PHF24: variants seen among roughly 807,000 people sequenced by gnomAD.
PHF24 encodes the protein Galpha inhibitory interacting protein.
PHF24 carries 25 observed loss-of-function variants against 42.6 expected under a neutral mutation model. That is an observed-to-expected ratio of 0.59 (90% confidence interval 0.43 to 0.82). The LOEUF (loss-of-function observed/expected upper bound fraction) is 0.82, where lower values mean the gene tolerates loss of function less well. PHF24 is among the 40% of genes least tolerant of loss of function. PHF24 has a pLI of 0.00. For synonymous variants in PHF24, 185 were observed against 204.8 expected, an observed-to-expected ratio of 0.90 and a Z score of 0.83; for missense variants, 470 against 538.1, an observed-to-expected ratio of 0.87 and a Z score of 1.25.
At chr9:34,803,817 C>T in the PHF24 span, among the ~76,000 whole-genome samples, 1 of 152,170 alleles carries the variant, frequency 6.6e-6, no homozygotes, top group African/African-American at 2.4e-5. Context: ...AGAAAGAACA[C>T]TAAATATAGG....
At chr9:34,909,055 G>T in the PHF24 span, among the ~76,000 whole-genome samples, 1 of 151,042 alleles carries the variant, frequency 6.6e-6, no homozygotes, top group Non-Finnish European at 1.5e-5. Flanking sequence ...TCACCATGTT[G>T]GTCAGGCTGG....
At position 34,963,671 on chromosome 9, in the gene PHF24, C is replaced by T. The variant is rs545495689; in HGVS notation, c.-5+5270C>T. The stretch of plus-strand genomic sequence containing the variant: ...GTTGACTTTGGTAATACTGGCTTCT[C>T]TTTTCTTACCATTGTGATTGTAGAA... On this transcript the variant is annotated intron_variant, in intron 1 of 7. Coordinates refer to ENST00000242315, the Ensembl canonical transcript of PHF24. Among the ~76,000 whole-genome samples the T allele has an allele frequency of 1.1e-4, 16 of 152,336 alleles. No individual in the cohort carries two copies. In the South Asian group the frequency reaches 3.3e-3, roughly 32 times the overall value.
chr9:34,789,996 G>A, the PHF24 span, among the ~76,000 whole-genome samples: 689 of 152,130 alleles, frequency 4.5e-3, 5 homozygotes, highest in African/African-American at 0.016. Flanking sequence ...ACAGGCATGC[G>A]CCACCATGCC....
At chr9:34,729,931 T>C in the PHF24 span, among the ~76,000 whole-genome samples, 1 of 152,180 alleles carries the variant, frequency 6.6e-6, no homozygotes, top group Non-Finnish European at 1.5e-5. Context: ...TTTGATGTTT[T>C]AGGCAATGGG....
chr9:34,946,398 A>C, the PHF24 span, among the ~76,000 whole-genome samples: 1 of 152,206 alleles, frequency 6.6e-6, no homozygotes, highest in Non-Finnish European at 1.5e-5. Flanking sequence ...AACTTCTGGC[A>C]TGTAAGACAG....
the PHF24 span, among the ~76,000 whole-genome samples, chr9:34,869,574 C>T: frequency 1.3e-5 from 2 of 152,196 alleles, no homozygotes; most frequent in East Asian, 3.9e-4. Flanking sequence ...TGCAGAACAG[C>T]TCCCCCTGCC....
At chr9:34,867,678 G>A in the PHF24 span, among the ~76,000 whole-genome samples, 7 of 152,192 alleles carry the variant, frequency 4.6e-5, no homozygotes, top group South Asian at 2.1e-4. Flanking sequence ...GATGTGAACA[G>A]TGAGCTCAGG....
At chr9:34,886,798 C>CTATG in the PHF24 span, among the ~76,000 whole-genome samples, 4 of 137,446 alleles carry the variant, frequency 2.9e-5, no homozygotes, top group Non-Finnish European at 6.1e-5. Context: ...TCTATCTACT[C>CTATG]TATCTATGTA....
chr9:34,796,137 A>G, the PHF24 span, among the ~76,000 whole-genome samples: 2 of 152,180 alleles, frequency 1.3e-5, no homozygotes, highest in Admixed American at 6.5e-5. Flanking sequence ...TCCATCAACT[A>G]GTGTTGATCA....
the PHF24 span, among the ~76,000 whole-genome samples, chr9:34,741,322 T>G: frequency 6.6e-6 from 1 of 152,180 alleles, no homozygotes; most frequent in Non-Finnish European, 1.5e-5. Flanking sequence ...TTCTAACAGA[T>G]TGTTACAAGG....
the PHF24 span, among the ~76,000 whole-genome samples, chr9:34,910,721 A>G: frequency 7.9e-5 from 12 of 152,312 alleles, no homozygotes; most frequent in East Asian, 2.3e-3. Flanking sequence ...AGATTTAAAG[A>G]CTAAGGGGTT....
At chr9:34,948,184 A>G in the PHF24 span, among the ~76,000 whole-genome samples, 1 of 152,124 alleles carries the variant, frequency 6.6e-6, no homozygotes, top group East Asian at 1.9e-4. Flanking sequence ...ACATTTTTGT[A>G]CAGCTGTACA....
chr9:34,915,332 T>C, the PHF24 span, among the ~76,000 whole-genome samples: 2 of 152,132 alleles, frequency 1.3e-5, no homozygotes, highest in South Asian at 2.1e-4. Context: ...CAGCATGTCT[T>C]TCCAAGTCTT....
At chr9:34,898,947 G>T in the PHF24 span, among the ~76,000 whole-genome samples, 1 of 152,180 alleles carries the variant, frequency 6.6e-6, no homozygotes, top group Non-Finnish European at 1.5e-5. Flanking sequence ...CAGAGCTGAG[G>T]AATTAGAGCC....
At chr9:34,974,846 T>C (rs1029520242) in intron 3 of PHF24, among the ~76,000 whole-genome samples, 1 of 152,150 alleles carries the variant, frequency 6.6e-6, no homozygotes, top group African/African-American at 2.4e-5. Flanking sequence ...CCACTCCTTA[T>C]CTCTGTGAAT....
chr9:34,787,657 C>G, the PHF24 span, among the ~76,000 whole-genome samples: 1 of 152,192 alleles, frequency 6.6e-6, no homozygotes, highest in Non-Finnish European at 1.5e-5. Context: ...CCACCCCAGA[C>G]CAACTGAATT....
the PHF24 span, among the ~76,000 whole-genome samples, chr9:34,770,772 CA>C: frequency 6.7e-6 from 1 of 148,356 alleles, no homozygotes; most frequent in East Asian, 1.9e-4. Context: ...ATTATCTATG[CA>C]AAAAAAAATT....
the PHF24 span, among the ~76,000 whole-genome samples, chr9:34,676,621 C>T: frequency 1.3e-5 from 2 of 152,282 alleles, no homozygotes; most frequent in Non-Finnish European, 2.9e-5. Flanking sequence ...CTGGATTGGG[C>T]TGTTTTTGCA....
the PHF24 span, chr9:34,918,060 A>G: frequency 7.2e-7 from 1 of 1,389,232 alleles, no homozygotes; most frequent in Non-Finnish European, 1.0e-6. Flanking sequence ...AGGCCTGGAC[A>G]AGGCCCGACA....
Sources: allele counts gnomAD v4.1 joint callset (sites outside exome capture counted in the v4.1 genomes callset), GRCh38; gene constraint gnomAD v4.1.1; transcripts MANE v1.5; gene names NCBI Gene and HGNC (gene_info 2026-07-23, HGNC 2026-07-21).